The following ANKS1B variants were observed in gnomAD, a reference collection of about 807,000 sequenced individuals.
The protein encoded by ANKS1B is ankyrin repeat and sterile alpha motif domain containing 1B.
ANKS1B carries 36 observed loss-of-function variants against 148.3 expected under a neutral mutation model. The ratio of observed to expected loss-of-function variants is 0.24; its 90% CI spans 0.19 to 0.32. ANKS1B has a LOEUF of 0.32. ANKS1B is among the 10% of genes least tolerant of loss of function. The pLI is 1.00. For missense variants in ANKS1B, 1,157 were observed against 1,542.6 expected (o/e 0.75, Z 4.19); for synonymous variants, 542 against 560.8 (o/e 0.97, Z 0.47).
intron 17 of ANKS1B, among the ~76,000 whole-genome samples, chr12:98,880,022 A>G (rs1404143138): frequency 6.6e-6 from 1 of 152,240 alleles, no homozygotes; most frequent in African/African-American, 2.4e-5. Context: ...TGATTAAAAA[A>G]AGTATAAAAC....
intron 25 of ANKS1B, among the ~76,000 whole-genome samples, chr12:98,753,532 A>T (rs1467993288): frequency 6.6e-6 from 1 of 152,058 alleles, no homozygotes; most frequent in Non-Finnish European, 1.5e-5. Flanking sequence ...GGTTCAAGTA[A>T]TTCTCCTGCC....
chr12:99,062,107 C>T (rs1227629752), intron 16 of ANKS1B, among the ~76,000 whole-genome samples: 2 of 152,172 alleles, frequency 1.3e-5, no homozygotes, highest in Non-Finnish European at 2.9e-5. Flanking sequence ...TGGGGAGACA[C>T]GCGGCCTTGG....
intron 17 of ANKS1B, among the ~76,000 whole-genome samples, chr12:98,867,277 T>C (rs893984202): frequency 1.3e-5 from 2 of 152,186 alleles, no homozygotes; most frequent in Non-Finnish European, 2.9e-5. Context: ...GAAAGACTCT[T>C]CTGGCACCTA....
intron 10 of ANKS1B, among the ~76,000 whole-genome samples, chr12:99,499,372 T>C (rs1038551319): frequency 2.0e-5 from 3 of 152,180 alleles, no homozygotes; most frequent in African/African-American, 7.2e-5. Flanking sequence ...GGGAAAATTA[T>C]GTAGCCATGC....
At chr12:99,081,750 C>A (rs940714025) in intron 16 of ANKS1B, among the ~76,000 whole-genome samples, 6 of 152,028 alleles carry the variant, frequency 3.9e-5, no homozygotes, top group African/African-American at 1.4e-4. Flanking sequence ...TCAAATAATT[C>A]TACGTTCAGT....
intron 11 of ANKS1B, among the ~76,000 whole-genome samples, chr12:99,408,979 C>T (rs1282652272): frequency 8.9e-6 from 1 of 111,884 alleles, no homozygotes; most frequent in East Asian, 1.9e-4. Flanking sequence ...ATAGAACTAC[C>T]ATATGATCCT....
rs1277059337 is a variant in ANKS1B at position 99,956,048 on chromosome 12, G to A, written c.134+28056C>T. On this transcript the variant is annotated intron_variant, in intron 1 of 26. Coordinates refer to ENST00000683438, the MANE Select transcript of ANKS1B (RefSeq NM_001352186.2). The stretch of plus-strand genomic sequence containing the variant: ...TCAGCACTTTGGGAGGCCGAGGCAG[G>A]CAGATGGATTCCCTGAGGTCAGGAG... 4.6e-5 allele frequency among the ~76,000 whole-genome samples: 7 copies of A among 152,104 alleles called. No homozygotes were observed. The South Asian group carries it at 1.2e-3, about 27-fold the overall frequency.
intron 26 of ANKS1B, among the ~76,000 whole-genome samples, chr12:98,748,982 A>G (rs551449648): frequency 6.6e-5 from 10 of 152,360 alleles, no homozygotes; most frequent in Admixed American, 5.9e-4. Flanking sequence ...TCTCAAAGAT[A>G]TGCTTGTGAA....
intron 17 of ANKS1B, among the ~76,000 whole-genome samples, chr12:98,850,710 G>A (rs1320320522): frequency 2.0e-5 from 3 of 150,994 alleles, no homozygotes; most frequent in Non-Finnish European, 3.0e-5. Flanking sequence ...CTCGTGATCC[G>A]CCCGCCTCAG....
At chr12:99,466,798 T>C (rs1380595393) in intron 10 of ANKS1B, among the ~76,000 whole-genome samples, 6 of 151,962 alleles carry the variant, frequency 3.9e-5, no homozygotes, top group Non-Finnish European at 4.4e-5. Flanking sequence ...CAATAATCAA[T>C]AGCTTACCAA....
chr12:99,511,437 A>C (rs967379967), intron 9 of ANKS1B, among the ~76,000 whole-genome samples: 2 of 152,064 alleles, frequency 1.3e-5, no homozygotes, highest in Non-Finnish European at 2.9e-5. Flanking sequence ...ATGGAAAAAC[A>C]TTCCATGCTC....
chr12:98,761,282 A>C (rs555101044), intron 25 of ANKS1B, among the ~76,000 whole-genome samples: 123 of 152,332 alleles, frequency 8.1e-4, no homozygotes, highest in African/African-American at 2.9e-3. Flanking sequence ...TTCACTGTAC[A>C]AATGTTGGTG....
chr12:99,484,764 G>GT (rs565634931), intron 10 of ANKS1B, among the ~76,000 whole-genome samples: 2,517 of 63,732 alleles, frequency 0.039, 38 homozygotes, highest in African/African-American at 0.097. Context: ...GTGTGTGTGT[G>GT]TTTTTTTTTT....
At chr12:99,179,210 C>T (rs544848528) in intron 14 of ANKS1B, among the ~76,000 whole-genome samples, 3 of 151,776 alleles carry the variant, frequency 2.0e-5, no homozygotes, top group African/African-American at 4.8e-5. Flanking sequence ...GGGCGGATCA[C>T]GAGGTCAGGA....
chr12:99,888,298 T>C (rs994484615), intron 1 of ANKS1B, among the ~76,000 whole-genome samples: 1 of 152,228 alleles, frequency 6.6e-6, no homozygotes, highest in African/African-American at 2.4e-5. Context: ...AGATGAAGGC[T>C]CTGCTCCTTG....
At chr12:98,749,691 G>A (rs1160347530) in intron 26 of ANKS1B, among the ~76,000 whole-genome samples, 1 of 152,120 alleles carries the variant, frequency 6.6e-6, no homozygotes, top group Non-Finnish European at 1.5e-5. Context: ...GGAATGGGAA[G>A]AGCTGAGCAT....
At chr12:99,399,850 AT>A in intron 11 of ANKS1B, 39 bp from the exon 12 acceptor site, 1 of 1,601,352 alleles carries the variant, frequency 6.2e-7, no homozygotes, top group Non-Finnish European at 8.6e-7. Flanking sequence ...TAATATGATC[AT>A]GTTCATCTTC....
chr12:99,767,090 T>G (rs1284187444), intron 8 of ANKS1B, among the ~76,000 whole-genome samples: 1 of 152,072 alleles, frequency 6.6e-6, no homozygotes, highest in Non-Finnish European at 1.5e-5. Flanking sequence ...AAGAATAGCT[T>G]GGCATTAAAA....
At chr12:99,465,534 T>C (rs2096087428) in intron 10 of ANKS1B, among the ~76,000 whole-genome samples, 3 of 151,794 alleles carry the variant, frequency 2.0e-5, no homozygotes, top group Admixed American at 1.3e-4. Context: ...CAGTGTGCTG[T>C]ATTCAGGAAA....
Sources: allele counts gnomAD v4.1 joint callset (sites outside exome capture counted in the v4.1 genomes callset), GRCh38; gene constraint gnomAD v4.1.1; transcripts MANE v1.5; gene names NCBI Gene and HGNC (gene_info 2026-07-23, HGNC 2026-07-21).